TMEM74: variants seen among roughly 807,000 people sequenced by gnomAD.
TMEM74 encodes the protein transmembrane protein 74.
In TMEM74, 13 loss-of-function variants were observed where a neutral mutation model predicts 18.1. The observed-to-expected ratio is 0.72, with a 90% CI of 0.47 to 1.14. TMEM74 has a LOEUF of 1.14. Among genes scored for constraint, TMEM74 ranks in the 50% most tolerant of loss-of-function variants. The pLI, the probability that TMEM74 is intolerant of heterozygous loss-of-function variation, is 0.00. For synonymous variants in TMEM74, 159 were observed against 146.6 expected, an observed-to-expected ratio of 1.08 and a Z score of -0.61; for missense variants, 372 against 375.9, an observed-to-expected ratio of 0.99 and a Z score of 0.09.
At chr8:108,688,125 C>A (rs1275067326) in intron 1 of TMEM74, among the ~76,000 whole-genome samples, 1 of 152,168 alleles carries the variant, frequency 6.6e-6, no homozygotes, top group Non-Finnish European at 1.5e-5. Flanking sequence ...ATCAGTTTAG[C>A]AAAACTTAAA....
chr8:108,645,991 C>T (rs1003188198), intron 2 of TMEM74, among the ~76,000 whole-genome samples: 4 of 151,874 alleles, frequency 2.6e-5, no homozygotes, highest in Admixed American at 6.6e-5. Context: ...CAGATTTATG[C>T]TTGCCTCTAT....
At chr8:108,608,935 C>A (rs961688032) in intron 2 of TMEM74, 4 of 152,042 alleles carry the variant, frequency 2.6e-5, no homozygotes, top group African/African-American at 9.7e-5. Flanking sequence ...GTGGGTAATG[C>A]CAAACCCAAA....
chr8:108,624,121 G>A (rs947575420), intron 2 of TMEM74, among the ~76,000 whole-genome samples: 3 of 152,018 alleles, frequency 2.0e-5, no homozygotes, highest in Non-Finnish European at 2.9e-5. Context: ...CCAATGAATT[G>A]TATTATTCCA....
intron 1 of TMEM74, among the ~76,000 whole-genome samples, chr8:108,772,464 G>A (rs995965631): frequency 6.6e-6 from 1 of 152,088 alleles, no homozygotes; most frequent in Non-Finnish European, 1.5e-5. Context: ...AAGTCTAGTT[G>A]GAAAGAAATG....
intron 1 of TMEM74, among the ~76,000 whole-genome samples, chr8:108,685,257 A>T (rs1182425029): frequency 6.6e-6 from 1 of 152,098 alleles, no homozygotes; most frequent in Non-Finnish European, 1.5e-5. Flanking sequence ...TCGTGTATGG[A>T]AACACTACTG....
intron 1 of TMEM74, among the ~76,000 whole-genome samples, chr8:108,758,297 T>C (rs1165366634): frequency 1.3e-5 from 2 of 152,020 alleles, no homozygotes; most frequent in Non-Finnish European, 2.9e-5. Context: ...CTCTGGCATA[T>C]ACCAAAGATC....
At chr8:108,718,501 T>C (rs565481808) in intron 1 of TMEM74, among the ~76,000 whole-genome samples, 1 of 152,270 alleles carries the variant, frequency 6.6e-6, no homozygotes, top group East Asian at 1.9e-4. Flanking sequence ...CTGATAGTAC[T>C]TGGGGAAGAG....
intron 1 of TMEM74, among the ~76,000 whole-genome samples, chr8:108,663,999 G>C (rs1812925774): frequency 6.6e-6 from 1 of 152,092 alleles, no homozygotes; most frequent in African/African-American, 2.4e-5. Flanking sequence ...AGAATAGCTA[G>C]TGGATGCTGG....
intron 1 of TMEM74, among the ~76,000 whole-genome samples, chr8:108,726,822 A>G (rs889387631): frequency 6.6e-6 from 1 of 152,064 alleles, no homozygotes; most frequent in Non-Finnish European, 1.5e-5. Flanking sequence ...TAAAAAAAAA[A>G]TTCAAAAATA....
At chr8:108,619,039 T>G (rs1170683304) in intron 2 of TMEM74, among the ~76,000 whole-genome samples, 1 of 152,136 alleles carries the variant, frequency 6.6e-6, no homozygotes. Context: ...GACATAGAAG[T>G]TTATAGCACA....
chr8:108,729,745 A>G (rs1813675826), intron 1 of TMEM74, among the ~76,000 whole-genome samples: 1 of 152,100 alleles, frequency 6.6e-6, no homozygotes, highest in African/African-American at 2.4e-5. Flanking sequence ...ATTCTATTCA[A>G]TTCCAGAAAC....
chr8:108,621,133 T>C (rs1812436315), intron 2 of TMEM74, among the ~76,000 whole-genome samples: 1 of 152,156 alleles, frequency 6.6e-6, no homozygotes, highest in Admixed American at 6.5e-5. Context: ...AAGCCTTGGA[T>C]ACAGGTAGTC....
chr8:108,765,554 C>T (rs756328357), intron 1 of TMEM74, among the ~76,000 whole-genome samples: 3 of 151,696 alleles, frequency 2.0e-5, no homozygotes, highest in Non-Finnish European at 4.4e-5. Flanking sequence ...ATTACAGGCA[C>T]GTGGTACCAC....
At chr8:108,640,115 C>CTTTTTTTT (rs35455409) in intron 2 of TMEM74, among the ~76,000 whole-genome samples, 19 of 78,896 alleles carry the variant, frequency 2.4e-4, no homozygotes, top group South Asian at 5.0e-4. Context: ...ATAGTAATCA[C>CTTTTTTTT]TTTTTTTTTT....
chr8:108,612,068 A>G (rs1812339480), intron 2 of TMEM74, among the ~76,000 whole-genome samples: 1 of 152,126 alleles, frequency 6.6e-6, no homozygotes, highest in African/African-American at 2.4e-5. Flanking sequence ...TGAGAACAGC[A>G]TGGAGGTAAC....
At chr8:108,637,451 G>A (rs183809546) in intron 2 of TMEM74, among the ~76,000 whole-genome samples, 6 of 152,192 alleles carry the variant, frequency 3.9e-5, no homozygotes, top group Middle Eastern at 3.4e-3. Flanking sequence ...TTGAGATGGG[G>A]AGATTATCCC....
chr8:108,727,228 A>C (rs1158336142), intron 1 of TMEM74, among the ~76,000 whole-genome samples: 1 of 152,212 alleles, frequency 6.6e-6, no homozygotes, highest in African/African-American at 2.4e-5. Context: ...TTTTGAGCAC[A>C]GAAATAATGA....
intron 1 of TMEM74, among the ~76,000 whole-genome samples, chr8:108,743,943 G>GT (rs1813825001): frequency 1.3e-5 from 2 of 152,088 alleles, no homozygotes; most frequent in Admixed American, 1.3e-4. Context: ...TATTTAGACA[G>GT]TTTTTACCTA....
chr8:108,767,310 A>G (rs965379666), intron 1 of TMEM74, among the ~76,000 whole-genome samples: 6 of 152,310 alleles, frequency 3.9e-5, no homozygotes, highest in Middle Eastern at 3.4e-3. Flanking sequence ...GCATTAGCAA[A>G]ACATGTTCAC....
Sources: gnomAD v4.1 joint callset for allele counts (sites outside exome capture counted in the v4.1 genomes callset) on GRCh38, gnomAD v4.1.1 for gene constraint, MANE v1.5 for transcripts, NCBI Gene and HGNC (gene_info 2026-07-23, HGNC 2026-07-21) for gene names.